The following ZNF716 variants were observed in gnomAD, a reference collection of about 807,000 sequenced individuals.
ZNF716 encodes zinc finger protein 716.
A neutral mutation model predicts 13.4 loss-of-function variants in ZNF716; 9 were observed. The observed-to-expected ratio is 0.67, with a 90% CI of 0.41 to 1.18. The LOEUF (loss-of-function observed/expected upper bound fraction) is 1.18. ZNF716 is among the 50% of genes most tolerant of loss of function. ZNF716 has a pLI of 0.01. For missense variants in ZNF716, 581 were observed against 576.6 expected (o/e 1.01, Z -0.08); for synonymous variants, 186 against 195.2 (o/e 0.95, Z 0.39).
intron 1 of ZNF716, among the ~76,000 whole-genome samples, chr7:57,461,207 G>A (rs1408465673): frequency 1.3e-5 from 2 of 152,124 alleles, no homozygotes; most frequent in African/African-American, 4.8e-5. Context: ...AACCCAGGAG[G>A]CAGAGTTTGC....
intron 3 of ZNF716, among the ~76,000 whole-genome samples, chr7:57,464,721 T>TG (rs1789775673): frequency 6.6e-6 from 1 of 152,078 alleles, no homozygotes. Flanking sequence ...TTACTTTTTT[T>TG]TCAGTCTAAG....
intron 3 of ZNF716, among the ~76,000 whole-genome samples, chr7:57,464,137 T>TG (rs1789762021): frequency 6.7e-6 from 1 of 148,214 alleles, no homozygotes; most frequent in African/African-American, 2.5e-5. Flanking sequence ...TTTTTTTTTT[T>TG]TGAGATGGAG....
intron 2 of ZNF716, 82 bp from the exon 3 acceptor site, chr7:57,462,991 C>T: frequency 6.5e-7 from 1 of 1,529,396 alleles, no homozygotes; most frequent in African/African-American, 1.4e-5. Context: ...TCTATCATAT[C>T]CTCTTTACTA....
intron 3 of ZNF716, among the ~76,000 whole-genome samples, chr7:57,467,515 T>TC (rs1562678910): frequency 3.3e-5 from 5 of 151,944 alleles, no homozygotes; most frequent in South Asian, 4.2e-4. Flanking sequence ...AGATTTTTTT[T>TC]CAGCACTTTG....
intron 3 of ZNF716, among the ~76,000 whole-genome samples, chr7:57,463,854 T>C (rs1197974283): frequency 7.2e-5 from 11 of 152,068 alleles, no homozygotes; most frequent in African/African-American, 2.7e-4. Flanking sequence ...TTCATGATAT[T>C]TTTTATGATG....
chr7:57,457,260 G>A (rs922464175), intron 1 of ZNF716, among the ~76,000 whole-genome samples: 24 of 152,166 alleles, frequency 1.6e-4, no homozygotes, highest in African/African-American at 5.8e-4. Context: ...CTAAATCAGA[G>A]TATAGCCCCA....
rs1789913894 is a variant in ZNF716 at position 57,470,658 on chromosome 7, CA to C, written c.*712del. On this transcript the variant is annotated 3_prime_UTR_variant, in exon 4 of 4. Coordinates refer to ENST00000420713, the MANE Select transcript of ZNF716 (RefSeq NM_001159279.1). The stretch of plus-strand genomic sequence containing the variant: ...TATGGAAATGTCTTTTAAAAGTCCT[CA>C]AACTTTTTGTTTGAATAAATGTAAA... The C allele has an allele frequency of 6.6e-6, 1 of 151,586 alleles. No homozygotes were observed. The highest frequency in any genetic ancestry group is 2.4e-5 in the African/African-American group (1 of 41,232). The allele number at this position is 151,586 out of a possible 1,614,324, so 9.4% of individuals were successfully genotyped here. A position where few individuals can be genotyped will look rare whatever the true frequency, so the allele number is the denominator to read the frequency against.
At chr7:57,461,619 A>G (rs73702145) in intron 1 of ZNF716, among the ~76,000 whole-genome samples, 4,422 of 152,242 alleles carry the variant, frequency 0.029, 210 homozygotes, top group African/African-American at 0.099. Context: ...GAAACTGGGA[A>G]GAACCCAGAC....
At position 57,473,361 on chromosome 7, in the gene ZNF716, A is replaced by G. The variant is rs185825692; in HGVS notation, c.*3412A>G. ...TGGTGAAACCCCATCTCTACTAAAA[A>G]TACAAAAAATTAGCTGGGCATGGTG... On this transcript the variant is annotated 3_prime_UTR_variant, in exon 4 of 4. Transcript: ENST00000420713. 6.6e-6 allele frequency: 1 copy of G among 152,198 alleles called. No individual in the cohort carries two copies. Among genetic ancestry groups the G allele is most frequent in the African/African-American group, 2.4e-5 (1 of 41,528 alleles). The allele number at this position is 152,198 out of a possible 1,614,324, so 9.4% of individuals were successfully genotyped here.
rs782127373 is a variant in ZNF716, at chr7:57,463,102, A to T, written c.196A>T (p.Thr66Ser). Reference sequence around the variant, plus strand: ...TGCTGTCTCTAAGCCAGACTTGATCACCTGTCTGGAGCAAAATAAAGAGCC... The same window carrying T: ...TGCTGTCTCTAAGCCAGACTTGATCTCCTGTCTGGAGCAAAATAAAGAGCC... ...GIAVSKPDLITCLEQNKEPQN... is the reference protein window; with the variant it reads ...GIAVSKPDLISCLEQNKEPQN... Residue 66 changes from threonine (T) to serine (S), a missense_variant, in exon 3 of 4, where the codon ACC becomes TCC. By Grantham distance (58) the Thr-to-Ser change is moderately conservative (BLOSUM62 1). Transcript: ENST00000420713. The T allele has an allele frequency of 6.2e-7, 1 of 1,610,674 alleles. No individual in the cohort carries two copies. The highest frequency in any genetic ancestry group is 1.1e-5 in the South Asian group (1 of 91,080).
At chr7:57,467,788 A>G (rs1789841806) in intron 3 of ZNF716, among the ~76,000 whole-genome samples, 1 of 151,258 alleles carries the variant, frequency 6.6e-6, no homozygotes, top group Non-Finnish European at 1.5e-5. Context: ...TTATTATTCC[A>G]AGCTTTTGTT....
Position 57,468,778 on chromosome 7 carries a change from C to A in ZNF716, c.317C>A (p.Ser106Ter), listed in dbSNP as rs1321452278. ...DLQSEQGIKD[S>*]LQKVILRRYG... ...CAGTCAGAGCAGGGCATAAAAGATT[C>A]ACTCCAAAAAGTGATACTGAGAAGA... Residue 106 changes from serine to a stop codon, truncating the protein, a stop_gained, in exon 4 of 4, where the codon TCA becomes TAA. Transcript: ENST00000420713. LOFTEE classifies it low-confidence loss of function (END_TRUNC). 6.2e-7 allele frequency: 1 copy of A among 1,613,074 alleles called. No individual in the cohort carries two copies. Among genetic ancestry groups the A allele is most frequent in the Non-Finnish European group, 8.5e-7 (1 of 1,179,686 alleles).
chr7:57,459,140 A>T (rs1402369436), intron 1 of ZNF716, among the ~76,000 whole-genome samples: 2 of 152,256 alleles, frequency 1.3e-5, no homozygotes, highest in African/African-American at 4.8e-5. Context: ...TTTTAAAATT[A>T]ATGATAAACA....
chr7:57,460,844 A>G (rs1583718949), intron 1 of ZNF716, among the ~76,000 whole-genome samples: 1 of 152,172 alleles, frequency 6.6e-6, no homozygotes, highest in Non-Finnish European at 1.5e-5. Context: ...ATTACCCAGA[A>G]AGTTCTAAAA....
intron 1 of ZNF716, among the ~76,000 whole-genome samples, chr7:57,457,564 G>A (rs1554322312): frequency 1.3e-5 from 2 of 152,010 alleles, no homozygotes; most frequent in Non-Finnish European, 2.9e-5. Context: ...GGCTGGTCTC[G>A]AACTCCTGGC....
In ZNF716 at chr7:57,473,464, G is replaced by A. The variant is rs1370094314; in HGVS notation, c.*3515G>A. On this transcript the variant is annotated 3_prime_UTR_variant, in exon 4 of 4. Coordinates refer to ENST00000420713, the MANE Select transcript of ZNF716 (RefSeq NM_001159279.1). ...GAACCTCGGAGGTGGAGGTAGCAGTGAGCTGAGATGGTGCTACTGCACTCC... is the reference window on the plus strand; with the variant it reads ...GAACCTCGGAGGTGGAGGTAGCAGTAAGCTGAGATGGTGCTACTGCACTCC... 1.3e-5 allele frequency: 2 copies of A among 152,016 alleles called. No homozygotes were observed. Among genetic ancestry groups the A allele is most frequent in the Admixed American group, 1.3e-4 (2 of 15,246 alleles). The allele number at this position is 152,016 out of a possible 1,614,324, so 9.4% of individuals were successfully genotyped here.
At chr7:57,457,620 A>G (rs1409013851) in intron 1 of ZNF716, among the ~76,000 whole-genome samples, 12 of 152,196 alleles carry the variant, frequency 7.9e-5, no homozygotes, top group East Asian at 3.9e-4. Context: ...CTGGGATTAC[A>G]GTCATGAGCC....
chr7:57,451,516 C>T (rs931803024), intron 1 of ZNF716, among the ~76,000 whole-genome samples: 6 of 135,768 alleles, frequency 4.4e-5, no homozygotes, highest in African/African-American at 1.7e-4. Context: ...GGTGTGATCT[C>T]AGCTCACTGC....
intron 1 of ZNF716, among the ~76,000 whole-genome samples, chr7:57,452,694 C>G (rs1789518712): frequency 6.6e-6 from 1 of 152,018 alleles, no homozygotes; most frequent in African/African-American, 2.4e-5. Flanking sequence ...TGTAAAAAAT[C>G]TCTGTGCCTC....
Sources: allele counts gnomAD v4.1 joint callset (sites outside exome capture counted in the v4.1 genomes callset), GRCh38; gene constraint gnomAD v4.1.1; transcripts MANE v1.5; gene names NCBI Gene and HGNC (gene_info 2026-07-23, HGNC 2026-07-21).